ATP2C2: variants seen among roughly 807,000 people sequenced by gnomAD.
ATP2C2 encodes the protein calcium-transporting ATPase type 2C member 2.
A neutral mutation model predicts 110.8 loss-of-function variants in ATP2C2; 171 were observed. The observed-to-expected ratio is 1.54, with a 90% CI of 1.36 to 1.75. ATP2C2 has a LOEUF of 1.75. Among genes scored for constraint, ATP2C2 ranks in the 40% most tolerant of loss-of-function variants. The pLI, the probability that ATP2C2 is intolerant of heterozygous loss-of-function variation, is 0.00. For missense variants in ATP2C2, 1,963 were observed against 1,235.0 expected (o/e 1.59, Z -8.84); for synonymous variants, 804 against 508.4 (o/e 1.58, Z -7.82).
At chr16:84,395,201 C>A (rs1303419480) in intron 1 of ATP2C2, among the ~76,000 whole-genome samples, 2 of 152,022 alleles carry the variant, frequency 1.3e-5, no homozygotes, top group East Asian at 3.9e-4. Context: ...TGGGTCCTCT[C>A]TCCTTTGGGC....
At chr16:84,403,889 C>T (rs1349057605) in intron 2 of ATP2C2, among the ~76,000 whole-genome samples, 1 of 152,148 alleles carries the variant, frequency 6.6e-6, no homozygotes, top group South Asian at 2.1e-4. Context: ...CGGGCTTTTG[C>T]CATGTTGACA....
chr16:84,396,204 A>C (rs1000386456), intron 1 of ATP2C2, among the ~76,000 whole-genome samples: 9 of 148,514 alleles, frequency 6.1e-5, no homozygotes, highest in African/African-American at 2.3e-4. Flanking sequence ...AATCTCTGCA[A>C]GTGTTTTCAA....
chr16:84,442,921 C>T (rs551665994), intron 15 of ATP2C2, among the ~76,000 whole-genome samples: 3 of 152,172 alleles, frequency 2.0e-5, no homozygotes, highest in African/African-American at 4.8e-5. Flanking sequence ...GCACCCAACA[C>T]GACCCTGTGC....
rs190885917 is a variant in ATP2C2 at position 84,413,076 on chromosome 16, C to T, written c.515+2311C>T. 9.3e-4 allele frequency among the ~76,000 whole-genome samples: 135 copies of T among 145,274 alleles called. 1 individual carries two copies. The highest frequency in any genetic ancestry group is 1.5e-3 in the Admixed American group (21 of 14,074). On this transcript the variant is annotated intron_variant, in intron 6 of 26. Transcript: ENST00000262429. Reference sequence around the variant, plus strand: ...GTGCTCCATTGTACTCCAGCCTGTGCGATAAGAGCGAAACTCTGTCTCAAA... The same window carrying T: ...GTGCTCCATTGTACTCCAGCCTGTGTGATAAGAGCGAAACTCTGTCTCAAA...
rs770907871 is a variant in ATP2C2 at position 84,410,761 on chromosome 16, A to G, written c.511A>G (p.Asn171Asp). Residue 171 changes from asparagine to aspartate, a missense_variant, in exon 6 of 27, where the codon AAC (asparagine) becomes GAC (aspartate). Asn to Asp is a conservative substitution (Grantham distance 23). Coordinates refer to ENST00000262429, the MANE Select transcript of ATP2C2 (RefSeq NM_014861.4). The part of the protein sequence containing the change: ...ELTKLVPPEC[N>D]CLREGKLQHL... Reference sequence around the variant, plus strand: ...GACCAAGCTGGTTCCTCCAGAATGTAACTGGTAAGTCAGAGCCTCCCTGGG... The same window carrying G: ...GACCAAGCTGGTTCCTCCAGAATGTGACTGGTAAGTCAGAGCCTCCCTGGG... 2 of 1,614,034 alleles carry G rather than the reference A, an allele frequency of 1.2e-6. No homozygotes were observed. The highest frequency in any genetic ancestry group is 1.7e-6 in the Non-Finnish European group (2 of 1,179,886).
At chr16:84,421,477 G>C (rs919293201) in intron 7 of ATP2C2, among the ~76,000 whole-genome samples, 3 of 152,190 alleles carry the variant, frequency 2.0e-5, no homozygotes, top group Admixed American at 1.3e-4. Flanking sequence ...TCTAGCTGTG[G>C]TTCTCTGGTG....
At chr16:84,408,685 A>G (rs1208757641) in intron 4 of ATP2C2, among the ~76,000 whole-genome samples, 191 bp downstream of exon 4, 1 of 152,148 alleles carries the variant, frequency 6.6e-6, no homozygotes, top group Non-Finnish European at 1.5e-5. Flanking sequence ...TTATTCGGCC[A>G]CTGCTTGCTT....
chr16:84,433,680 C>A (rs1197799882), intron 11 of ATP2C2, among the ~76,000 whole-genome samples: 1 of 119,712 alleles, frequency 8.4e-6, no homozygotes, highest in African/African-American at 3.5e-5. Context: ...ACAACAACAA[C>A]AAAACACACA....
chr16:84,461,085 G>C, intron 24 of ATP2C2: 1 of 430,008 alleles, frequency 2.3e-6, no homozygotes, highest in East Asian at 4.0e-5. Context: ...AGGACAGGCT[G>C]CCCCCTGTTC....
chr16:84,369,702 C>G (rs969493878), intron 1 of ATP2C2, among the ~76,000 whole-genome samples: 1 of 151,912 alleles, frequency 6.6e-6, no homozygotes, highest in East Asian at 1.9e-4. Flanking sequence ...ATTTTTTTCT[C>G]CCAAAGAATA....
At chr16:84,380,626 T>C (rs543870380) in intron 1 of ATP2C2, among the ~76,000 whole-genome samples, 1 of 152,248 alleles carries the variant, frequency 6.6e-6, no homozygotes, top group Admixed American at 6.5e-5. Context: ...AGGATTGTGG[T>C]TAAGAGCACG....
chr16:84,421,055 C>T (rs1210491247), intron 7 of ATP2C2, among the ~76,000 whole-genome samples: 1 of 152,198 alleles, frequency 6.6e-6, no homozygotes, highest in Non-Finnish European at 1.5e-5. Flanking sequence ...ATCTGCCTGC[C>T]TCGGCCTCCC....
In ATP2C2 at chr16:84,410,573, G is replaced by T. The variant is rs1309763355; in HGVS notation, c.423G>T (p.Val141=). The change falls in exon 5 of 27, where the codon GTG becomes GTT. Residue 141 remains valine (V), a synonymous_variant. Transcript: ENST00000262429. ...CTCCTCCGTTTGCTGTCTAGGCAGT[G>T]CTTGTCGTGGTCACTGTCGCCTTCA... The part of the protein sequence containing the change: ...YEDAVSIATA[V]LVVVTVAFIQ... 2.5e-6 allele frequency: 4 copies of T among 1,614,052 alleles called. No homozygotes were observed. Among genetic ancestry groups the T allele is most frequent in the Non-Finnish European group, 3.4e-6 (4 of 1,179,990 alleles).
chr16:84,412,448 GTGTC>G (rs1426690248), intron 6 of ATP2C2, among the ~76,000 whole-genome samples: 5 of 146,996 alleles, frequency 3.4e-5, no homozygotes, highest in Admixed American at 7.1e-5. Flanking sequence ...ATGCATGTGT[GTGTC>G]TGTGTCTCCG....
chr16:84,408,268 C>T (rs1905953754), intron 3 of ATP2C2, 137 bp from the exon 4 acceptor site: 3 of 774,160 alleles, frequency 3.9e-6, no homozygotes, highest in Admixed American at 2.2e-5. Context: ...GTCTCCCCAG[C>T]CCTCGGTCAC....
rs371614449 is a variant in ATP2C2, at chr16:84,424,576, C to CTTTTTTTT, written c.920-1143_920-1136dup. On this transcript the variant is annotated intron_variant, in intron 10 of 26. Transcript: ENST00000262429. ...TACAGGCATGAGCCACCGCACTGGG[C>CTTTTTTTT]TTTTTTTTTTTTTTTTTTTTTTTAA... is the stretch of plus-strand genomic sequence containing the variant. 2.7e-3 allele frequency among the ~76,000 whole-genome samples: 306 copies of CTTTTTTTT among 114,804 alleles called. 7 individuals carry two copies. Among genetic ancestry groups the CTTTTTTTT allele is most frequent in the African/African-American group, 0.012 (287 of 24,824 alleles). 75.3% of individuals were successfully genotyped at this position (114,804 alleles called of 152,430 possible).
chr16:84,424,655 C>A (rs1907650822), intron 10 of ATP2C2, among the ~76,000 whole-genome samples: 1 of 149,106 alleles, frequency 6.7e-6, no homozygotes, highest in South Asian at 2.1e-4. Flanking sequence ...GTCCCATGGA[C>A]CCCCTAGAAG....
chr16:84,410,846 G>C (rs999286018), intron 6 of ATP2C2, 81 bp downstream of exon 6: 116 of 1,401,920 alleles, frequency 8.3e-5, no homozygotes, highest in Non-Finnish European at 1.1e-4. Context: ...TTTGCTGAAA[G>C]TTGTATCCTT....
rs376685673 is a variant in ATP2C2, at chr16:84,408,508, C to G, written c.417+14C>G. The stretch of plus-strand genomic sequence containing the variant: ...AGCATCGCCACGGTGAGTTCCCTGA[C>G]AGCGCTCGGCTCCCGGGCGGGCAGC... On this transcript the variant is annotated intron_variant, in intron 4 of 26. Transcript: ENST00000262429. 5.0e-6 allele frequency: 8 copies of G among 1,608,190 alleles called. No homozygotes were observed. The highest frequency in any genetic ancestry group is 6.8e-6 in the Non-Finnish European group (8 of 1,177,222).
Sources: gnomAD v4.1 joint callset for allele counts (sites outside exome capture counted in the v4.1 genomes callset) on GRCh38, gnomAD v4.1.1 for gene constraint, MANE v1.5 for transcripts, NCBI Gene and HGNC (gene_info 2026-07-23, HGNC 2026-07-21) for gene names.